The following ITCH variants were observed in gnomAD, a reference collection of about 807,000 sequenced individuals.
ITCH encodes E3 ubiquitin-protein ligase Itchy homolog.
Under a neutral mutation model 126.8 loss-of-function variants are expected in ITCH, and 28 were observed. The ratio of observed to expected loss-of-function variants is 0.22; its 90% confidence interval spans 0.16 to 0.30. The LOEUF (loss-of-function observed/expected upper bound fraction) is 0.30, where lower values mean the gene tolerates loss of function less well. ITCH is among the 10% of genes least tolerant of loss of function. ITCH has a pLI of 1.00. For synonymous variants in ITCH, 342 were observed against 340.0 expected (o/e 1.01, Z -0.06); for missense variants, 631 against 1,032.4 (o/e 0.61, Z 5.33).
In ITCH at chr20:34,438,619, C is replaced by G. The variant is rs1468406753; in HGVS notation, c.667C>G (p.Pro223Ala). ...PRPSRPPPPT[P>A]RRPASVNGSP... The stretch of plus-strand genomic sequence containing the variant: ...ACCTTCACGACCACCACCACCCACC[C>G]CACGTAGACCAGGTTTGTATTCCAG... Residue 223 changes from proline to alanine, a missense_variant, in exon 8 of 25, where the codon CCA becomes GCA. Physicochemically the swap from Pro to Ala is conservative, Grantham distance 27 (BLOSUM62 -1). Around this residue, in one of 4 missense-constraint regions of ITCH, gnomAD observed 220 missense variants for 265.7 expected, o/e 0.83. Coordinates refer to ENST00000374864, the MANE Select transcript of ITCH (RefSeq NM_031483.7). 1.2e-6 allele frequency: 2 copies of G among 1,613,834 alleles called. No homozygotes were observed. Among genetic ancestry groups the G allele is most frequent in the South Asian group, 2.2e-5 (2 of 91,066 alleles).
chr20:34,399,968 C>A (rs538264528), intron 3 of ITCH, among the ~76,000 whole-genome samples: 1 of 151,970 alleles, frequency 6.6e-6, no homozygotes, highest in South Asian at 2.1e-4. Flanking sequence ...AAGACGGAGT[C>A]TCGCTCTGTT....
intron 4 of ITCH, among the ~76,000 whole-genome samples, chr20:34,412,164 T>C (rs1223066862): frequency 6.6e-6 from 1 of 152,200 alleles, no homozygotes; most frequent in Non-Finnish European, 1.5e-5. Context: ...AACTTCAAGC[T>C]CTGTAAACTA....
chr20:34,372,250 A>G (rs1285838807), intron 2 of ITCH, among the ~76,000 whole-genome samples: 2 of 138,930 alleles, frequency 1.4e-5, no homozygotes, highest in East Asian at 4.7e-4. Context: ...GCTTGCAGTG[A>G]GCCGAGTTCA....
In ITCH at chr20:34,397,024, GT is replaced by G. The variant is rs1165023922; in HGVS notation, c.70+3152del. 2.7e-5 allele frequency among the ~76,000 whole-genome samples: 4 copies of G among 149,916 alleles called. No individual in the cohort carries two copies. The East Asian group carries it at 7.8e-4, about 29-fold the overall frequency. On this transcript the variant is annotated intron_variant, in intron 3 of 24. Transcript: ENST00000374864. ...CATATGGTGTCTTTGTAGGTTTTTT[GT>G]TTTTTTTTGTTTGTTTTTTTGAGAC...
intron 6 of ITCH, chr20:34,417,148 G>C: frequency 2.9e-6 from 2 of 684,342 alleles, no homozygotes; most frequent in Non-Finnish European, 5.3e-6. Context: ...CCAGGCTGGA[G>C]TGCAATAGTG....
chr20:34,432,418 A>G (rs527264497), intron 7 of ITCH, among the ~76,000 whole-genome samples: 15 of 152,280 alleles, frequency 9.9e-5, no homozygotes, highest in African/African-American at 2.9e-4. Flanking sequence ...AATAGGCAAA[A>G]TTATTCCCTT....
At chr20:34,454,590 A>T (rs1358214874) in intron 12 of ITCH, 5 of 152,196 alleles carry the variant, frequency 3.3e-5, no homozygotes, top group African/African-American at 1.2e-4. Flanking sequence ...CTAAGCTGAC[A>T]TAGAAAGTAG....
At chr20:34,433,244 C>G (rs767662202) in intron 7 of ITCH, among the ~76,000 whole-genome samples, 1 of 152,204 alleles carries the variant, frequency 6.6e-6, no homozygotes, top group African/African-American at 2.4e-5. Context: ...GAGCCGAGAT[C>G]GTGCCATTGC....
At chr20:34,506,543 T>C (rs1423221453) in intron 24 of ITCH, among the ~76,000 whole-genome samples, 2 of 152,178 alleles carry the variant, frequency 1.3e-5, no homozygotes, top group African/African-American at 4.8e-5. Flanking sequence ...ATAGGAGCAA[T>C]AACTATTGTG....
intron 7 of ITCH, among the ~76,000 whole-genome samples, chr20:34,429,203 G>A (rs1200175736): frequency 6.6e-6 from 1 of 152,170 alleles, no homozygotes; most frequent in Non-Finnish European, 1.5e-5. Context: ...ACCTCCCAAA[G>A]TGCTGGGATT....
chr20:34,464,419 T>C (rs1986846270), intron 14 of ITCH, among the ~76,000 whole-genome samples: 1 of 151,032 alleles, frequency 6.6e-6, no homozygotes, highest in Non-Finnish European at 1.5e-5. Context: ...TTCTGCCTCC[T>C]GGGTTCAAGC....
intron 9 of ITCH, 130 bp from the exon 10 acceptor site, chr20:34,442,078 C>G: frequency 1.4e-6 from 1 of 720,822 alleles, no homozygotes. Flanking sequence ...GTATTTGTAT[C>G]ATCTTTCTAA....
chr20:34,482,035 C>T (rs186855547), intron 20 of ITCH, among the ~76,000 whole-genome samples: 328 of 152,256 alleles, frequency 2.2e-3, no homozygotes, highest in South Asian at 3.7e-3. Flanking sequence ...ATGAACAAAA[C>T]ACTTCATCAT....
chr20:34,399,980 C>G lies in ITCH; in HGVS notation c.70+6099C>G, dbSNP rs149924023. 7.7e-3 allele frequency among the ~76,000 whole-genome samples: 1,171 copies of G among 151,930 alleles called. 17 individuals carry two copies. The highest frequency in any genetic ancestry group is 0.027 in the African/African-American group (1,106 of 41,394). On this transcript the variant is annotated intron_variant, in intron 3 of 24. Coordinates refer to ENST00000374864, the MANE Select transcript of ITCH (RefSeq NM_031483.7). ...TTTAAGACGGAGTCTCGCTCTGTTGCCAGGCTGGAGTGTGGTGGCGTGATC... is the reference window on the plus strand; with the variant it reads ...TTTAAGACGGAGTCTCGCTCTGTTGGCAGGCTGGAGTGTGGTGGCGTGATC...
At chr20:34,390,692 C>T (rs2038457805) in intron 2 of ITCH, among the ~76,000 whole-genome samples, 1 of 151,738 alleles carries the variant, frequency 6.6e-6, no homozygotes, top group Non-Finnish European at 1.5e-5. Context: ...TCAGGTGATC[C>T]ACCTACCTTA....
chr20:34,378,268 C>A (rs534185498), intron 2 of ITCH, among the ~76,000 whole-genome samples: 59 of 151,754 alleles, frequency 3.9e-4, no homozygotes, highest in South Asian at 2.1e-4. Context: ...GTCAGGAGTT[C>A]GAGAGCAGCC....
chr20:34,436,177 C>T (rs1982981666), intron 7 of ITCH, among the ~76,000 whole-genome samples: 1 of 152,132 alleles, frequency 6.6e-6, no homozygotes, highest in Non-Finnish European at 1.5e-5. Flanking sequence ...CTGAATGTTC[C>T]TTCTCCCTCA....
chr20:34,455,881 G>T (rs1385611418), intron 12 of ITCH, among the ~76,000 whole-genome samples: 2 of 151,908 alleles, frequency 1.3e-5, no homozygotes, highest in Non-Finnish European at 2.9e-5. Context: ...GCAAGAGGCA[G>T]TTGGGGAACA....
intron 6 of ITCH, among the ~76,000 whole-genome samples, chr20:34,423,866 A>T (rs1386681567): frequency 1.3e-5 from 2 of 152,104 alleles, no homozygotes; most frequent in African/African-American, 4.8e-5. Flanking sequence ...GCCTCCCAAA[A>T]TGCTGGGATT....
Sources: allele counts gnomAD v4.1 joint callset (sites outside exome capture counted in the v4.1 genomes callset), GRCh38; gene constraint gnomAD v4.1.1; regional missense constraint gnomAD v4.1.1; transcripts MANE v1.5; gene names NCBI Gene and HGNC (gene_info 2026-07-23, HGNC 2026-07-21).